Variants in DCC observed in about 807,000 individuals in gnomAD.
The protein encoded by DCC is DCC netrin 1 receptor.
In DCC, 58 loss-of-function variants were observed where a neutral mutation model predicts 172.5. That is an observed-to-expected ratio of 0.34 (90% CI 0.27 to 0.42). The LOEUF (loss-of-function observed/expected upper bound fraction) is 0.42. DCC is among the 10% of genes least tolerant of loss of function. The pLI is 1.00. For missense variants in DCC, 1,740 were observed against 1,791.0 expected (o/e 0.97, Z 0.51); for synonymous variants, 709 against 644.5 (o/e 1.10, Z -1.52).
At chr18:53,362,858 C>A (rs1599066469) in intron 15 of DCC, among the ~76,000 whole-genome samples, 1 of 152,068 alleles carries the variant, frequency 6.6e-6, no homozygotes, top group African/African-American at 2.4e-5. Flanking sequence ...CTAGGAAACA[C>A]ACTTAATACA....
intron 27 of DCC, among the ~76,000 whole-genome samples, chr18:53,521,340 A>C (rs1396009573): frequency 6.6e-6 from 1 of 152,156 alleles, no homozygotes; most frequent in Non-Finnish European, 1.5e-5. Flanking sequence ...AGGCATGTCC[A>C]TGCCCTATTG....
chr18:53,024,594 A>G (rs1232726185), intron 5 of DCC, among the ~76,000 whole-genome samples: 27 of 152,178 alleles, frequency 1.8e-4, no homozygotes. Context: ...ATGTAATTCC[A>G]CAAAGGAGAC....
At chr18:52,975,797 T>C (rs1309270220) in intron 5 of DCC, among the ~76,000 whole-genome samples, 1 of 152,224 alleles carries the variant, frequency 6.6e-6, no homozygotes, top group Admixed American at 6.5e-5. Context: ...TTTGCTATTA[T>C]GAATAGTGCT....
At chr18:52,431,231 T>A (rs1029468577) in intron 1 of DCC, among the ~76,000 whole-genome samples, 2 of 152,088 alleles carry the variant, frequency 1.3e-5, no homozygotes, top group Non-Finnish European at 2.9e-5. Flanking sequence ...TCTAGGTGAT[T>A]TGGAGGCTTG....
chr18:53,479,906 G>A (rs1380562595), intron 25 of DCC, among the ~76,000 whole-genome samples: 3 of 152,120 alleles, frequency 2.0e-5, no homozygotes, highest in African/African-American at 7.2e-5. Flanking sequence ...AGATCTGGGG[G>A]TAACTTATGA....
At chr18:52,958,163 T>C (rs894120497) in intron 5 of DCC, among the ~76,000 whole-genome samples, 6 of 152,168 alleles carry the variant, frequency 3.9e-5, no homozygotes, top group Non-Finnish European at 7.4e-5. Flanking sequence ...ATATTGTTCT[T>C]TCTTTTTAAA....
chr18:52,608,481 T>C (rs1247692075), intron 1 of DCC, among the ~76,000 whole-genome samples: 1 of 152,108 alleles, frequency 6.6e-6, no homozygotes, highest in Non-Finnish European at 1.5e-5. Flanking sequence ...AAGAAGGAGA[T>C]TTATCCACTT....
intron 1 of DCC, among the ~76,000 whole-genome samples, chr18:52,541,907 A>ATATATATGTATATATATT: frequency 6.9e-6 from 1 of 145,550 alleles, no homozygotes; most frequent in Non-Finnish European, 1.5e-5. Flanking sequence ...GTGTATATAT[A>ATATATATGTATATATATT]TATGTACACA....
Position 53,530,587 on chromosome 18 carries a change from T to C in DCC, c.4278T>C (p.Ser1426=). The C allele has an allele frequency of 6.3e-7, 1 of 1,589,514 alleles. No individual in the cohort carries two copies. Among genetic ancestry groups the C allele is most frequent in the Non-Finnish European group, 8.6e-7 (1 of 1,157,578 alleles). ...SANVYEQDDL[S]EQMASLEGLM... is the part of the protein sequence containing the mutation. ...AGGTGTATGAACAGGATGATCTGAG[T>C]GAACAAATGGCAAGTTTGGAAGGAC... Residue 1426 remains serine (S), a synonymous_variant, in exon 29 of 29, where the codon AGT becomes AGC. Transcript: ENST00000442544.
At chr18:53,226,805 A>C (rs908239519) in intron 12 of DCC, among the ~76,000 whole-genome samples, 1 of 151,600 alleles carries the variant, frequency 6.6e-6, no homozygotes, top group Admixed American at 6.6e-5. Flanking sequence ...TGCAAGTCAT[A>C]AAACTGAGCA....
intron 9 of DCC, among the ~76,000 whole-genome samples, chr18:53,194,311 T>C (rs2055411134): frequency 6.6e-6 from 1 of 152,144 alleles, no homozygotes. Flanking sequence ...TATGGAGATA[T>C]AACAACAAAT....
At chr18:53,128,074 AAC>A (rs148871294) in intron 7 of DCC, among the ~76,000 whole-genome samples, 2,370 of 152,230 alleles carry the variant, frequency 0.016, 53 homozygotes, top group African/African-American at 0.053. Context: ...TGAAAAAGAC[AAC>A]ACTCATTTAA....
intron 1 of DCC, among the ~76,000 whole-genome samples, chr18:52,542,638 C>A (rs569750374): frequency 7.8e-4 from 118 of 152,196 alleles, no homozygotes; most frequent in Non-Finnish European, 1.2e-3. Context: ...GAGTTTGAAA[C>A]CAGCCTGGCC....
chr18:52,618,025 T>A (rs141599565), intron 1 of DCC, among the ~76,000 whole-genome samples: 1 of 152,184 alleles, frequency 6.6e-6, no homozygotes, highest in Non-Finnish European at 1.5e-5. Context: ...CAAGGAATTA[T>A]ACAGAAATCA....
At chr18:52,702,109 C>G (rs978440297) in intron 1 of DCC, among the ~76,000 whole-genome samples, 12 of 152,154 alleles carry the variant, frequency 7.9e-5, no homozygotes, top group Non-Finnish European at 1.6e-4. Context: ...GGCTTGTTTT[C>G]ATGATATACA....
At chr18:53,478,127 T>C (rs531356381) in intron 25 of DCC, among the ~76,000 whole-genome samples, 31 of 152,190 alleles carry the variant, frequency 2.0e-4, no homozygotes, top group African/African-American at 7.5e-4. Flanking sequence ...AAGGGTGGGA[T>C]TGAACTGGTG....
intron 12 of DCC, among the ~76,000 whole-genome samples, chr18:53,281,535 A>T (rs1026082394): frequency 6.6e-6 from 1 of 152,174 alleles, no homozygotes. Context: ...GGTACTGTTC[A>T]ATCTAAACCT....
chr18:53,314,464 A>C (rs969876225), intron 13 of DCC, among the ~76,000 whole-genome samples: 3 of 152,212 alleles, frequency 2.0e-5, no homozygotes, highest in African/African-American at 7.2e-5. Context: ...GATTCAGTGC[A>C]ACCTAAGGAA....
intron 27 of DCC, among the ~76,000 whole-genome samples, chr18:53,514,590 G>T (rs2046309794): frequency 6.6e-6 from 1 of 152,028 alleles, no homozygotes; most frequent in Admixed American, 6.6e-5. Context: ...GAATCAAATA[G>T]ACACAATAAA....
Sources: gnomAD v4.1 joint callset for allele counts (sites outside exome capture counted in the v4.1 genomes callset) on GRCh38, gnomAD v4.1.1 for gene constraint, MANE v1.5 for transcripts, NCBI Gene and HGNC (gene_info 2026-07-23, HGNC 2026-07-21) for gene names.